MDGA2: variants seen among roughly 807,000 people sequenced by gnomAD.
MDGA2 encodes MAM domain-containing glycosylphosphatidylinositol anchor protein 2.
In MDGA2, 40 loss-of-function variants were observed where a neutral mutation model predicts 117.8. The ratio of observed to expected loss-of-function variants is 0.34; its 90% CI spans 0.26 to 0.44. MDGA2 has a LOEUF of 0.44. MDGA2 is among the 20% of genes least tolerant of loss of function. The probability of loss-of-function intolerance (pLI) is 1.00; values close to 1 mark genes in which losing one functional copy is unlikely to be tolerated. For missense variants in MDGA2, 1,123 were observed against 1,250.6 expected, an observed-to-expected ratio of 0.90 and a Z score of 1.54; for synonymous variants, 452 against 439.0, an observed-to-expected ratio of 1.03 and a Z score of -0.37.
chr14:47,320,759 T>C (rs1262266931), intron 1 of MDGA2, among the ~76,000 whole-genome samples: 1 of 152,184 alleles, frequency 6.6e-6, no homozygotes, highest in Non-Finnish European at 1.5e-5. Context: ...AAGTGAAGGA[T>C]GGTTATAAAA....
intron 1 of MDGA2, among the ~76,000 whole-genome samples, chr14:47,385,795 T>G (rs1337493297): frequency 2.0e-5 from 3 of 152,170 alleles, no homozygotes; most frequent in Non-Finnish European, 4.4e-5. Flanking sequence ...CTCTAAGATA[T>G]TCTAAGGAAA....
intron 1 of MDGA2, among the ~76,000 whole-genome samples, chr14:47,589,456 T>C (rs1230809847): frequency 6.6e-6 from 1 of 152,018 alleles, no homozygotes; most frequent in African/African-American, 2.4e-5. Flanking sequence ...TCTCATAGAA[T>C]TGTCTTAGCA....
At chr14:47,205,179 C>T (rs1004042607) in intron 3 of MDGA2, among the ~76,000 whole-genome samples, 3 of 151,844 alleles carry the variant, frequency 2.0e-5, no homozygotes, top group Admixed American at 6.6e-5. Flanking sequence ...TATGTAGCCC[C>T]ATTCTCCCTG....
intron 1 of MDGA2, among the ~76,000 whole-genome samples, chr14:47,412,064 T>A (rs1004926226): frequency 6.6e-6 from 1 of 152,114 alleles, no homozygotes; most frequent in African/African-American, 2.4e-5. Flanking sequence ...AGTTTGGTAA[T>A]ATTTTTTGGA....
chr14:47,611,814 T>A (rs946681475), intron 1 of MDGA2, among the ~76,000 whole-genome samples: 1 of 152,182 alleles, frequency 6.6e-6, no homozygotes, highest in African/African-American at 2.4e-5. Flanking sequence ...CAGGATTATC[T>A]GGGATGTAGT....
At chr14:47,633,243 A>G (rs556539657) in intron 1 of MDGA2, among the ~76,000 whole-genome samples, 6 of 152,272 alleles carry the variant, frequency 3.9e-5, no homozygotes, top group Admixed American at 2.0e-4. Context: ...CTTAAGGGTC[A>G]GGACTATGCC....
intron 8 of MDGA2, among the ~76,000 whole-genome samples, chr14:47,019,699 C>T (rs974608949): frequency 2.6e-5 from 4 of 151,964 alleles, no homozygotes; most frequent in African/African-American, 9.7e-5. Flanking sequence ...AAAAAATTAG[C>T]CGGGCGTGGT....
chr14:47,461,279 G>GTGTGTGTGTC (rs897051518), intron 1 of MDGA2, among the ~76,000 whole-genome samples: 1 of 151,422 alleles, frequency 6.6e-6, no homozygotes, highest in African/African-American at 2.4e-5. Flanking sequence ...ATGTGTGTGT[G>GTGTGTGTGTC]TGTGTGTGTG....
intron 3 of MDGA2, among the ~76,000 whole-genome samples, chr14:47,185,583 A>G (rs1884878871): frequency 6.6e-6 from 1 of 151,642 alleles, no homozygotes; most frequent in Non-Finnish European, 1.5e-5. Context: ...ATGAGAGTCA[A>G]AACTGTAAAA....
intron 5 of MDGA2, among the ~76,000 whole-genome samples, chr14:47,113,565 C>T (rs8006329): frequency 1.1e-4 from 16 of 151,972 alleles, no homozygotes; most frequent in African/African-American, 3.1e-4. Context: ...TTATCCACCA[C>T]GATCAAGTCA....
chr14:47,447,809 G>A (rs1052518338), intron 1 of MDGA2, among the ~76,000 whole-genome samples: 3 of 152,164 alleles, frequency 2.0e-5, no homozygotes, highest in African/African-American at 7.2e-5. Flanking sequence ...AAAGCGTATT[G>A]TCTCTAAATT....
chr14:47,630,093 A>G (rs1246363898), intron 1 of MDGA2, among the ~76,000 whole-genome samples: 3 of 152,120 alleles, frequency 2.0e-5, no homozygotes, highest in African/African-American at 7.2e-5. Context: ...AAAAAAAAAA[A>G]GGATGTATAC....
chr14:47,578,255 G>T (rs1041403287), intron 1 of MDGA2, among the ~76,000 whole-genome samples: 4 of 151,978 alleles, frequency 2.6e-5, no homozygotes, highest in African/African-American at 9.7e-5. Context: ...GCCAGTCAGG[G>T]GGTGGGGGTG....
At chr14:47,223,520 A>C (rs1182414565) in intron 2 of MDGA2, among the ~76,000 whole-genome samples, 1 of 152,108 alleles carries the variant, frequency 6.6e-6, no homozygotes, top group Non-Finnish European at 1.5e-5. Flanking sequence ...GCCTCATGAC[A>C]CTGCTTATAT....
chr14:47,326,886 T>C (rs948887840), intron 1 of MDGA2, among the ~76,000 whole-genome samples: 14 of 152,160 alleles, frequency 9.2e-5, no homozygotes, highest in South Asian at 2.1e-4. Context: ...ATTGAAGCTT[T>C]TTTCATCAGT....
chr14:47,137,981 G>A (rs1450655617), intron 4 of MDGA2, among the ~76,000 whole-genome samples: 1 of 152,150 alleles, frequency 6.6e-6, no homozygotes, highest in African/African-American at 2.4e-5. Flanking sequence ...GATGAAGTCT[G>A]TTAATGGAAT....
chr14:47,407,861 T>C (rs1457500719), intron 1 of MDGA2, among the ~76,000 whole-genome samples: 1 of 152,074 alleles, frequency 6.6e-6, no homozygotes. Context: ...CAGGTGCAGA[T>C]TCTTGACTGC....
intron 3 of MDGA2, among the ~76,000 whole-genome samples, chr14:47,192,579 A>G (rs1217938461): frequency 2.0e-5 from 3 of 152,048 alleles, no homozygotes; most frequent in Admixed American, 2.0e-4. Flanking sequence ...AGATCACCCC[A>G]TTGCACTCCA....
At chr14:46,954,743 A>G (rs989118015) in intron 9 of MDGA2, among the ~76,000 whole-genome samples, 1 of 152,122 alleles carries the variant, frequency 6.6e-6, no homozygotes, top group African/African-American at 2.4e-5. Flanking sequence ...CATATAAGTT[A>G]ATATCCACAG....
Sources: allele counts gnomAD v4.1 joint callset (sites outside exome capture counted in the v4.1 genomes callset), GRCh38; gene constraint gnomAD v4.1.1; transcripts MANE v1.5; gene names NCBI Gene and HGNC (gene_info 2026-07-23, HGNC 2026-07-21).